The following DYTN variants were observed in gnomAD, a reference collection of about 807,000 sequenced individuals.
DYTN encodes dystrotelin.
DYTN carries 75 observed loss-of-function variants against 69.6 expected under a neutral mutation model. The ratio of observed to expected loss-of-function variants is 1.08; its 90% confidence interval spans 0.89 to 1.31. DYTN has a LOEUF of 1.31. DYTN is among the 50% of genes most tolerant of loss of function. DYTN has a pLI of 0.00. For missense variants in DYTN, 726 were observed against 688.4 expected, an observed-to-expected ratio of 1.05 and a Z score of -0.61; for synonymous variants, 252 against 249.1, an observed-to-expected ratio of 1.01 and a Z score of -0.11.
chr2:206,690,458 T>C (rs1159984622), intron 9 of DYTN, among the ~76,000 whole-genome samples: 4 of 152,288 alleles, frequency 2.6e-5, no homozygotes, highest in Non-Finnish European at 2.9e-5. Flanking sequence ...TGACATGATC[T>C]GGCCAAAATC....
Position 206,666,042 on chromosome 2 carries a change from C to T in DYTN, c.981-13G>A, listed in dbSNP as rs771950582. The T allele has an allele frequency of 5.6e-6, 9 of 1,611,752 alleles. No homozygotes were observed. Among genetic ancestry groups the T allele is most frequent in the Non-Finnish European group, 7.6e-6 (9 of 1,178,942 alleles). ...TTTTTTAAGGAGCCTGAAAAGAGAA[C>T]AGATTTGAGCGGTTTGGAAGGGCAA... On this transcript the variant is annotated splice_polypyrimidine_tract_variant and intron_variant, in intron 9 of 11. Transcript: ENST00000452335.
chr2:206,675,515 G>A (rs2105892052), intron 9 of DYTN, among the ~76,000 whole-genome samples: 1 of 151,744 alleles, frequency 6.6e-6, no homozygotes, highest in South Asian at 2.1e-4. Flanking sequence ...AGTGGGAAAA[G>A]CCCCTACTCA....
At position 206,675,694 on chromosome 2, in the gene DYTN, T is replaced by C. The variant is rs1699679508; in HGVS notation, c.981-9665A>G. ...AACCAAAATACTAATAGGATTAATT[T>C]TGGCACCTTAGAAATGATTTCAAGA... On this transcript the variant is annotated intron_variant, in intron 9 of 11. Coordinates refer to ENST00000452335, the MANE Select transcript of DYTN (RefSeq NM_001093730.1). Among the ~76,000 whole-genome samples, 2 of 152,198 alleles carry C rather than the reference T, an allele frequency of 1.3e-5. 1 individual carries two copies. Among genetic ancestry groups the C allele is most frequent in the South Asian group, 4.1e-4 (2 of 4,832 alleles).
chr2:206,663,536 A>C (rs1385322221), intron 10 of DYTN, 141 bp from the exon 11 acceptor site: 5 of 903,610 alleles, frequency 5.5e-6, no homozygotes, highest in African/African-American at 5.2e-5. Context: ...CATTACTATT[A>C]ATTTTAATTT....
intron 9 of DYTN, among the ~76,000 whole-genome samples, chr2:206,681,508 G>T (rs1699749767): frequency 6.6e-6 from 1 of 152,094 alleles, no homozygotes; most frequent in Non-Finnish European, 1.5e-5. Context: ...TTGTCTGTGG[G>T]TTTGTCATAA....
rs13412490 is a variant in DYTN, at chr2:206,686,967, A to C, written c.980+6208T>G. On this transcript the variant is annotated intron_variant, in intron 9 of 11. Coordinates refer to ENST00000452335, the MANE Select transcript of DYTN (RefSeq NM_001093730.1). The stretch of plus-strand genomic sequence containing the variant: ...TCCTGAGGAGCAGAGTGGATGGTAA[A>C]TTCACCGGCCTTTGTCAAGTCCTTG... 2.4e-3 allele frequency: 380 copies of C among 156,226 alleles called. 2 individuals carry two copies. Among genetic ancestry groups the C allele is most frequent in the African/African-American group, 8.8e-3 (369 of 41,744 alleles). 9.7% of individuals were successfully genotyped at this position (156,226 alleles called of 1,614,324 possible). A position where few individuals can be genotyped will look rare whatever the true frequency, so the allele number is the denominator to read the frequency against.
At chr2:206,668,465 T>C (rs563997696) in intron 9 of DYTN, among the ~76,000 whole-genome samples, 73 of 152,330 alleles carry the variant, frequency 4.8e-4, no homozygotes, top group African/African-American at 1.7e-3. Flanking sequence ...GCCCAGGACT[T>C]TCCAGGCAAT....
chr2:206,681,656 C>T (rs768367816), intron 9 of DYTN, among the ~76,000 whole-genome samples: 3 of 152,016 alleles, frequency 2.0e-5, no homozygotes. Flanking sequence ...GTCAGTGGCT[C>T]TGTTTATGTG....
At chr2:206,660,142 T>C (rs560111967) in intron 11 of DYTN, among the ~76,000 whole-genome samples, 3 of 152,310 alleles carry the variant, frequency 2.0e-5, no homozygotes, top group Admixed American at 2.0e-4. Context: ...TAAGTAAATA[T>C]TTTGAGACTT....
chr2:206,696,552 A>T (rs141597275), intron 7 of DYTN, among the ~76,000 whole-genome samples: 149 of 152,314 alleles, frequency 9.8e-4, no homozygotes, highest in Middle Eastern at 6.8e-3. Context: ...GACCCAGTTA[A>T]TCCCCATGGA....
chr2:206,714,006 G>C (rs913458683), intron 1 of DYTN, among the ~76,000 whole-genome samples: 1 of 152,182 alleles, frequency 6.6e-6, no homozygotes. Flanking sequence ...ACAAGGAACT[G>C]CTTGGTGTAC....
At chr2:206,669,517 C>G (rs937605685) in intron 9 of DYTN, among the ~76,000 whole-genome samples, 20 of 152,066 alleles carry the variant, frequency 1.3e-4, no homozygotes, top group Admixed American at 3.3e-4. Flanking sequence ...CTTTGGTACA[C>G]TTTGTAGTGA....
chr2:206,706,513 G>T (rs1318409933), intron 3 of DYTN, among the ~76,000 whole-genome samples: 1 of 151,090 alleles, frequency 6.6e-6, no homozygotes, highest in Non-Finnish European at 1.5e-5. Context: ...AAAAAAACTA[G>T]AAGAGAAAAT....
chr2:206,693,238 G>T lies in DYTN; in HGVS notation c.917C>A (p.Ala306Glu), dbSNP rs781120785. Residue 306 changes from alanine to glutamate, a missense_variant, in exon 9 of 12, where the codon GCG becomes GAG. Ala to Glu is a moderately radical substitution (Grantham distance 107). Transcript: ENST00000452335. ...LQGRCRKKEAARRQQLLDQVN... is the reference protein window; with the variant it reads ...LQGRCRKKEAERRQQLLDQVN... ...CTGGTCCAGCAGCTGCTGCCTTCTC[G>T]CTGCTTCTTTCTTCCTACAGCGCCC... is the stretch of plus-strand genomic sequence containing the variant. The T allele has an allele frequency of 6.2e-7, 1 of 1,613,442 alleles. No homozygotes were observed. Among genetic ancestry groups the T allele is most frequent in the Non-Finnish European group, 8.5e-7 (1 of 1,179,828 alleles).
At chr2:206,672,199 C>T (rs998497550) in intron 9 of DYTN, among the ~76,000 whole-genome samples, 1 of 152,052 alleles carries the variant, frequency 6.6e-6, no homozygotes, top group Non-Finnish European at 1.5e-5. Context: ...ACTTCTTATA[C>T]GTCAAACAGA....
chr2:206,707,821 C>T (rs1330495873), intron 2 of DYTN, among the ~76,000 whole-genome samples: 1 of 152,196 alleles, frequency 6.6e-6, no homozygotes, highest in East Asian at 1.9e-4. Flanking sequence ...GAAAAATACG[C>T]TTTCCAAGAA....
chr2:206,678,319 A>T (rs923672412), intron 9 of DYTN, among the ~76,000 whole-genome samples: 2 of 152,214 alleles, frequency 1.3e-5, no homozygotes, highest in African/African-American at 4.8e-5. Context: ...ATTAGCAAGG[A>T]TCTTGTGAGA....
chr2:206,662,832 A>G (rs1015087391), intron 11 of DYTN, 71 bp downstream of exon 11: 17 of 1,538,710 alleles, frequency 1.1e-5, no homozygotes, highest in Non-Finnish European at 5.2e-6. Context: ...GGGCTGTTAT[A>G]AAATCAAGTT....
At chr2:206,702,741 C>T (rs950477069) in intron 5 of DYTN, among the ~76,000 whole-genome samples, 7 of 152,116 alleles carry the variant, frequency 4.6e-5, no homozygotes, top group Non-Finnish European at 1.0e-4. Context: ...TGACTCTCAC[C>T]AGCTCTGTGA....
Sources: allele counts gnomAD v4.1 joint callset (sites outside exome capture counted in the v4.1 genomes callset), GRCh38; gene constraint gnomAD v4.1.1; transcripts MANE v1.5; gene names NCBI Gene and HGNC (gene_info 2026-07-23, HGNC 2026-07-21).